The following FGF10 variants were observed in gnomAD, a reference collection of about 807,000 sequenced individuals.
FGF10 encodes FGF-10.
FGF10 carries 2 observed loss-of-function variants against 19.8 expected under a neutral mutation model. The ratio of observed to expected loss-of-function variants is 0.10; its 90% CI spans 0.04 to 0.32. FGF10 has a LOEUF of 0.32. FGF10 is among the 10% of genes least tolerant of loss of function. The probability of loss-of-function intolerance (pLI) is 1.00; values close to 1 mark genes in which losing one functional copy is unlikely to be tolerated. For synonymous variants in FGF10, 112 were observed against 94.0 expected, an observed-to-expected ratio of 1.19 and a Z score of -1.10; for missense variants, 191 against 246.3, an observed-to-expected ratio of 0.78 and a Z score of 1.50.
At chr5:44,309,278 G>A (rs1052669860) in intron 2 of FGF10, among the ~76,000 whole-genome samples, 4 of 152,040 alleles carry the variant, frequency 2.6e-5, no homozygotes, top group African/African-American at 9.7e-5. Context: ...AGAAAAAAAT[G>A]AAATTCAGTT....
chr5:44,307,183 C>T (rs17228200), intron 2 of FGF10, among the ~76,000 whole-genome samples: 2,430 of 152,192 alleles, frequency 0.016, 58 homozygotes, highest in African/African-American at 0.054. Flanking sequence ...ATGTATCAGC[C>T]TTTTTATTTC....
At chr5:44,385,562 A>G (rs1742078585) in intron 1 of FGF10, among the ~76,000 whole-genome samples, 1 of 152,176 alleles carries the variant, frequency 6.6e-6, no homozygotes, top group Non-Finnish European at 1.5e-5. Context: ...TTAATCTTCA[A>G]ATAAGCAAAC....
At chr5:44,365,069 A>G (rs969686766) in intron 1 of FGF10, among the ~76,000 whole-genome samples, 2 of 151,942 alleles carry the variant, frequency 1.3e-5, no homozygotes, top group Non-Finnish European at 2.9e-5. Context: ...TATAGTTATT[A>G]CTGTAAAATG....
Position 44,388,494 on chromosome 5 carries a change from C to G in FGF10, c.189G>C (p.Ala63=). Residue 63 remains alanine, a synonymous_variant, in exon 1 of 3, where the codon GCG becomes GCC. Coordinates refer to ENST00000264664, the MANE Select transcript of FGF10 (RefSeq NM_004465.2). ...SSSSFSSPSS[A]GRHVRSYNHL... ...GATTGTAGCTCCGCACATGCCTTCC[C>G]GCGCTGGAAGGAGAGGAGAAGGAGG... 2 of 1,614,078 alleles carry G rather than the reference C, an allele frequency of 1.2e-6. No individual in the cohort carries two copies. The highest frequency in any genetic ancestry group is 1.7e-6 in the Non-Finnish European group (2 of 1,180,024).
chr5:44,386,239 T>C (rs1742094372), intron 1 of FGF10, among the ~76,000 whole-genome samples: 2 of 152,150 alleles, frequency 1.3e-5, no homozygotes. Context: ...ATTATTATTC[T>C]AGAAAATAGC....
At chr5:44,349,179 C>A (rs1741159712) in intron 1 of FGF10, among the ~76,000 whole-genome samples, 1 of 150,688 alleles carries the variant, frequency 6.6e-6, no homozygotes, top group East Asian at 2.0e-4. Flanking sequence ...CTACTTTGAG[C>A]AAATTTCTCA....
chr5:44,370,630 T>C (rs1160892970), intron 1 of FGF10, among the ~76,000 whole-genome samples: 1 of 152,086 alleles, frequency 6.6e-6, no homozygotes, highest in Non-Finnish European at 1.5e-5. Flanking sequence ...TTAGCAGCTG[T>C]TTCAGTCAGC....
intron 2 of FGF10, among the ~76,000 whole-genome samples, chr5:44,306,533 C>T (rs1041094648): frequency 2.0e-5 from 3 of 151,604 alleles, no homozygotes; most frequent in African/African-American, 7.3e-5. Flanking sequence ...GCAAGGGCCC[C>T]GTGGGCATAG....
intron 1 of FGF10, among the ~76,000 whole-genome samples, chr5:44,381,816 C>T (rs1390125662): frequency 6.6e-6 from 1 of 152,130 alleles, no homozygotes; most frequent in Non-Finnish European, 1.5e-5. Flanking sequence ...CCACACTATT[C>T]AGAATTAGAT....
intron 1 of FGF10, among the ~76,000 whole-genome samples, chr5:44,380,196 A>G (rs1456309227): frequency 6.6e-6 from 1 of 152,220 alleles, no homozygotes; most frequent in African/African-American, 2.4e-5. Context: ...ATGTTACAGA[A>G]TATTAATTCT....
intron 1 of FGF10, among the ~76,000 whole-genome samples, chr5:44,367,143 A>G (rs1741634831): frequency 6.6e-6 from 1 of 152,096 alleles, no homozygotes; most frequent in Non-Finnish European, 1.5e-5. Flanking sequence ...AATTCACACT[A>G]TAAAAGTATT....
chr5:44,385,164 G>A (rs1742069681), intron 1 of FGF10, among the ~76,000 whole-genome samples: 1 of 152,082 alleles, frequency 6.6e-6, no homozygotes, highest in African/African-American at 2.4e-5. Flanking sequence ...AATTATTCAA[G>A]CTTTCTCAGA....
At chr5:44,353,291 T>G (rs1741275974) in intron 1 of FGF10, among the ~76,000 whole-genome samples, 1 of 151,666 alleles carries the variant, frequency 6.6e-6, no homozygotes, top group South Asian at 2.1e-4. Flanking sequence ...TGTTGTTAGT[T>G]TTCATGCTTT....
intron 1 of FGF10, among the ~76,000 whole-genome samples, chr5:44,343,570 C>A (rs560536336): frequency 6.6e-6 from 1 of 152,020 alleles, no homozygotes; most frequent in South Asian, 2.1e-4. Flanking sequence ...TAAAATGAAA[C>A]ACTTCCTGTT....
intron 1 of FGF10, among the ~76,000 whole-genome samples, chr5:44,362,817 C>G (rs1045379137): frequency 2.0e-5 from 3 of 151,506 alleles, no homozygotes; most frequent in Non-Finnish European, 1.5e-5. Flanking sequence ...TGTTCCTACC[C>G]TAAACACTCA....
At chr5:44,366,799 T>C (rs1401096084) in intron 1 of FGF10, among the ~76,000 whole-genome samples, 1 of 152,088 alleles carries the variant, frequency 6.6e-6, no homozygotes, top group South Asian at 2.1e-4. Context: ...TTTTAATTTA[T>C]ACTTTAGACT....
Position 44,326,529 on chromosome 5 carries a change from G to A in FGF10, c.326-15999C>T, listed in dbSNP as rs189092049. 6.3e-4 allele frequency among the ~76,000 whole-genome samples: 96 copies of A among 151,976 alleles called. 1 individual carries two copies. The highest frequency in any genetic ancestry group is 6.8e-3 in the Middle Eastern group (2 of 294). On this transcript the variant is annotated intron_variant, in intron 1 of 2. Transcript: ENST00000264664. ...TCCTCCCAACTCTGCCTCCCAAGTA[G>A]CTGGGACTACAGGCACAAACCACCA...
At chr5:44,338,618 T>C (rs1480110520) in intron 1 of FGF10, among the ~76,000 whole-genome samples, 3 of 152,166 alleles carry the variant, frequency 2.0e-5, no homozygotes. Flanking sequence ...TCTTCCCTCA[T>C]CACAACACAA....
rs927529401 is a variant in FGF10 at position 44,382,165 on chromosome 5, C to T, written c.325+6193G>A. 5.9e-5 allele frequency among the ~76,000 whole-genome samples: 9 copies of T among 152,094 alleles called. No homozygotes were observed. The South Asian group carries it at 1.0e-3, about 18-fold the overall frequency. On this transcript the variant is annotated intron_variant, in intron 1 of 2. Coordinates refer to ENST00000264664, the MANE Select transcript of FGF10 (RefSeq NM_004465.2). The stretch of plus-strand genomic sequence containing the variant: ...GATAGTAATTGGATGCACGTGTTAG[C>T]GGCAGTAAAAAGTCACTGTCCAGTT...
Sources: allele counts gnomAD v4.1 joint callset (sites outside exome capture counted in the v4.1 genomes callset), GRCh38; gene constraint gnomAD v4.1.1; transcripts MANE v1.5; gene names NCBI Gene and HGNC (gene_info 2026-07-23, HGNC 2026-07-21).